Variants in CSMD2 observed in about 807,000 individuals in gnomAD.
CSMD2 encodes the protein CUB and Sushi multiple domains 2, also known as CUB and sushi domain-containing protein 2.
CSMD2 carries 130 observed loss-of-function variants against 398.5 expected under a neutral mutation model. The observed-to-expected ratio is 0.33, with a 90% CI of 0.28 to 0.38. The LOEUF (loss-of-function observed/expected upper bound fraction) is 0.38, where lower values mean the gene tolerates loss of function less well. Among genes scored for constraint, CSMD2 ranks in the 10% least tolerant of loss-of-function variants. The pLI, the probability that CSMD2 is intolerant of heterozygous loss-of-function variation, is 1.00. For synonymous variants in CSMD2, 1,828 were observed against 1,908.5 expected, an observed-to-expected ratio of 0.96 and a Z score of 1.10; for missense variants, 3,829 against 4,764.9, an observed-to-expected ratio of 0.80 and a Z score of 5.78.
At chr1:33,591,752 G>A (rs1639472969) in intron 44 of CSMD2, 1 of 151,292 alleles carries the variant, frequency 6.6e-6, no homozygotes, top group Non-Finnish European at 1.5e-5. Flanking sequence ...AACCTTCTGA[G>A]TATCTGGGAC....
intron 3 of CSMD2, among the ~76,000 whole-genome samples, chr1:33,971,550 A>G (rs1276689146): frequency 2.0e-5 from 3 of 152,190 alleles, no homozygotes; most frequent in African/African-American, 7.2e-5. Context: ...CGTGGGTGAG[A>G]GCAGAGCCAG....
intron 12 of CSMD2, among the ~76,000 whole-genome samples, chr1:33,774,174 TC>T (rs1364910281): frequency 5.3e-5 from 8 of 150,264 alleles, no homozygotes; most frequent in African/African-American, 2.0e-4. Context: ...ACAACAAGGG[TC>T]CTCCCCTTTG....
chr1:33,746,112 T>C (rs1399966632), intron 13 of CSMD2, among the ~76,000 whole-genome samples: 1 of 152,168 alleles, frequency 6.6e-6, no homozygotes, highest in Non-Finnish European at 1.5e-5. Context: ...CGTGGAGTCT[T>C]AGAAGGCGTT....
In CSMD2 at chr1:33,693,367, A is replaced by G. The variant is rs927601124; in HGVS notation, c.3926-311T>C. 2.0e-5 allele frequency among the ~76,000 whole-genome samples: 3 copies of G among 152,240 alleles called. No individual in the cohort carries two copies. The East Asian group carries it at 5.8e-4, about 29-fold the overall frequency. On this transcript the variant is annotated intron_variant, in intron 24 of 70. Transcript: ENST00000373381. ...GAAAAGATGTTTAACATTGTTAGTC[A>G]TTAGGGAAATACAAATCAAACTCAC... is the stretch of plus-strand genomic sequence containing the variant.
At chr1:33,551,540 G>T (rs1196896486) in intron 55 of CSMD2, among the ~76,000 whole-genome samples, 1 of 152,218 alleles carries the variant, frequency 6.6e-6, no homozygotes, top group Non-Finnish European at 1.5e-5. Flanking sequence ...TGACCAAGTG[G>T]TAAAACCTGG....
chr1:33,524,890 T>C lies in CSMD2; in HGVS notation c.10388A>G (p.His3463Arg). 1 of 1,614,138 alleles carries C rather than the reference T, an allele frequency of 6.2e-7. No homozygotes were observed. Among genetic ancestry groups the C allele is most frequent in the Non-Finnish European group, 8.5e-7 (1 of 1,180,010 alleles). ...AGGGGCCTGCTCCTTACCAGCCAAG[T>C]GCAGCTCCACGCCACTGTGGTCGAT... is the stretch of plus-strand genomic sequence containing the variant. ...TMIDHSGVEL[H>R]LAGTYKKEDF... Residue 3463 changes from histidine to arginine, a missense_variant, in exon 66 of 71, where the codon CAC becomes CGC. Transcript: ENST00000373381.
chr1:33,791,443 T>C (rs955448340), intron 11 of CSMD2, among the ~76,000 whole-genome samples: 1 of 152,150 alleles, frequency 6.6e-6, no homozygotes, highest in Non-Finnish European at 1.5e-5. Context: ...AGGGTGTTTG[T>C]CTCTGAAGCT....
At chr1:33,733,036 C>A (rs763985851) in intron 15 of CSMD2, among the ~76,000 whole-genome samples, 1 of 152,190 alleles carries the variant, frequency 6.6e-6, no homozygotes, top group Admixed American at 6.5e-5. Flanking sequence ...CCTGGGCAGT[C>A]CAGCTCCAGA....
At chr1:33,649,908 C>G (rs936427066) in intron 28 of CSMD2, among the ~76,000 whole-genome samples, 1 of 152,086 alleles carries the variant, frequency 6.6e-6, no homozygotes, top group African/African-American at 2.4e-5. Flanking sequence ...CTGGGAGGCA[C>G]GGGGCACAGA....
chr1:33,650,971 A>G (rs1255225579), intron 28 of CSMD2, among the ~76,000 whole-genome samples: 1 of 152,132 alleles, frequency 6.6e-6, no homozygotes, highest in East Asian at 1.9e-4. Flanking sequence ...CACTCAGCAT[A>G]ATATTTTTGG....
intron 1 of CSMD2, among the ~76,000 whole-genome samples, chr1:34,147,518 G>A (rs1287840595): frequency 6.6e-6 from 1 of 152,118 alleles, no homozygotes; most frequent in African/African-American, 2.4e-5. Context: ...CTAGGCTGGA[G>A]CACCTCCCCC....
chr1:33,963,709 A>C (rs1645452449), intron 3 of CSMD2, among the ~76,000 whole-genome samples: 1 of 152,210 alleles, frequency 6.6e-6, no homozygotes, highest in Non-Finnish European at 1.5e-5. Flanking sequence ...AGTTCACTTG[A>C]TATCCATCCA....
At position 33,546,192 on chromosome 1, in the gene CSMD2, G is replaced by A. The variant is rs1298140390; in HGVS notation, c.8945C>T (p.Pro2982Leu). 1 of 1,613,994 alleles carries A rather than the reference G, an allele frequency of 6.2e-7. No individual in the cohort carries two copies. Among genetic ancestry groups the A allele is most frequent in the East Asian group, 2.2e-5 (1 of 44,878 alleles). ...ACGGATGCCATGAGCCGGGATCCCAGGGTCACCGCAAACTCCCACGCTGGT... is the reference window on the plus strand; with the variant it reads ...ACGGATGCCATGAGCCGGGATCCCAAGGTCACCGCAAACTCCCACGCTGGT... ...SGTSVGVCGD[P>L]GIPAHGIRLG... The change falls in exon 57 of 71, where the codon CCT becomes CTT. Residue 2982 changes from proline to leucine, a missense_variant. Pro to Leu is a moderately conservative substitution (Grantham distance 98). This residue lies in a region of CSMD2 where 917 missense variants were observed against 1,199.5 expected (regional missense o/e 0.76). Transcript: ENST00000373381.
chr1:34,128,640 C>G (rs1662996842), intron 1 of CSMD2, among the ~76,000 whole-genome samples: 1 of 152,148 alleles, frequency 6.6e-6, no homozygotes, highest in South Asian at 2.1e-4. Context: ...GTGCAGCTGT[C>G]GGCCTTGTTG....
intron 3 of CSMD2, among the ~76,000 whole-genome samples, chr1:33,944,874 G>A (rs1484908195): frequency 6.6e-6 from 1 of 152,048 alleles, no homozygotes; most frequent in Non-Finnish European, 1.5e-5. Flanking sequence ...TGATCTCCCA[G>A]GATTCAAGAC....
chr1:34,127,822 T>C (rs1210378725), intron 1 of CSMD2, among the ~76,000 whole-genome samples: 2 of 151,810 alleles, frequency 1.3e-5, no homozygotes, highest in Non-Finnish European at 2.9e-5. Flanking sequence ...CTGAGGGTCC[T>C]AGTGGGACAG....
intron 6 of CSMD2, among the ~76,000 whole-genome samples, chr1:33,829,141 A>G (rs1315653216): frequency 1.3e-5 from 2 of 152,156 alleles, no homozygotes; most frequent in Non-Finnish European, 2.9e-5. Flanking sequence ...AGCGCAGGGA[A>G]ATACAGGGGT....
At chr1:34,084,610 C>T (rs551726124) in intron 2 of CSMD2, among the ~76,000 whole-genome samples, 1 of 151,990 alleles carries the variant, frequency 6.6e-6, no homozygotes, top group South Asian at 2.1e-4. Context: ...ATTTATGCAG[C>T]CAAAAGACAC....
chr1:33,753,059 A>G (rs1648478989), intron 13 of CSMD2, among the ~76,000 whole-genome samples: 1 of 152,236 alleles, frequency 6.6e-6, no homozygotes, highest in African/African-American at 2.4e-5. Context: ...CATTTGAAAG[A>G]GAAGAAAAGC....
Sources: gnomAD v4.1 joint callset for allele counts (sites outside exome capture counted in the v4.1 genomes callset) on GRCh38, gnomAD v4.1.1 for gene constraint, gnomAD v4.1.1 regional missense constraint, MANE v1.5 for transcripts, NCBI Gene and HGNC (gene_info 2026-07-23, HGNC 2026-07-21) for gene names.